Variants in KCNK5 observed in about 807,000 individuals in gnomAD.
KCNK5 encodes the protein potassium two pore domain channel subfamily K member 5, also known as potassium channel subfamily K member 5.
In KCNK5, 18 loss-of-function variants were observed where a neutral mutation model predicts 32.9. The observed-to-expected ratio is 0.55, with a 90% confidence interval of 0.38 to 0.81. The LOEUF (loss-of-function observed/expected upper bound fraction) is 0.81, where lower values mean the gene tolerates loss of function less well. Among genes scored for constraint, KCNK5 ranks in the 30% least tolerant of loss-of-function variants. The probability of loss-of-function intolerance (pLI) is 0.00; values close to 1 mark genes in which losing one functional copy is unlikely to be tolerated. For synonymous variants in KCNK5, 276 were observed against 275.3 expected, an observed-to-expected ratio of 1.00 and a Z score of -0.03; for missense variants, 507 against 651.0, an observed-to-expected ratio of 0.78 and a Z score of 2.41.
chr6:39,207,823 C>T (rs946966625), intron 1 of KCNK5, among the ~76,000 whole-genome samples: 1 of 152,146 alleles, frequency 6.6e-6, no homozygotes, highest in Non-Finnish European at 1.5e-5. Flanking sequence ...GACACATCTG[C>T]CTGCCCTGGG....
intron 1 of KCNK5, among the ~76,000 whole-genome samples, chr6:39,203,864 C>T (rs1771174441): frequency 6.6e-6 from 1 of 152,240 alleles, no homozygotes; most frequent in African/African-American, 2.4e-5. Context: ...TCTCCATCTT[C>T]CTGTCTAAAA....
In KCNK5 at chr6:39,212,732, C is replaced by G. The variant is rs143374445; in HGVS notation, c.186+16194G>C. Among the ~76,000 whole-genome samples, 248 of 152,274 alleles carry G rather than the reference C, an allele frequency of 1.6e-3. 3 individuals are homozygous for G. Among genetic ancestry groups the G allele is most frequent in the African/African-American group, 5.7e-3 (236 of 41,552 alleles). On this transcript the variant is annotated intron_variant, in intron 1 of 4. Transcript: ENST00000359534. ...CACTGGAAACAGCCGGATGGGTGTC[C>G]CTGGCCCTGCCACACTCTCTTCTTG...
At chr6:39,223,205 G>A (rs897195865) in intron 1 of KCNK5, among the ~76,000 whole-genome samples, 13 of 152,162 alleles carry the variant, frequency 8.5e-5, no homozygotes, top group African/African-American at 2.7e-4. Context: ...GAGCATTTAC[G>A]ATGTGCCATA....
Position 39,194,492 on chromosome 6 carries a change from T to A in KCNK5, c.465+102A>T, listed in dbSNP as rs113244341. The A allele has an allele frequency of 4.5e-5, 65 of 1,458,388 alleles. 2 individuals are homozygous for A. The African/African-American group carries it at 5.2e-4, about 12-fold the overall frequency. 90.3% of individuals were successfully genotyped at this position (1,458,388 alleles called of 1,614,324 possible). ...GAGCTCTGAAACTATCCTCTTGCCA[T>A]CTGTCCTTACACCCTTGGTCCAATT... On this transcript the variant is annotated intron_variant, in intron 3 of 4. Coordinates refer to ENST00000359534, the MANE Select transcript of KCNK5 (RefSeq NM_003740.4). The surrounding 1 kb of genome is among the most constrained non-coding windows in gnomAD (Gnocchi z 4.7).
chr6:39,196,843 A>G (rs1042914237), intron 1 of KCNK5, among the ~76,000 whole-genome samples: 2 of 152,222 alleles, frequency 1.3e-5, no homozygotes, highest in African/African-American at 4.8e-5. Flanking sequence ...GTGAGAGGCC[A>G]CCTGGGGATG....
At chr6:39,222,009 C>G (rs1272947700) in intron 1 of KCNK5, among the ~76,000 whole-genome samples, 1 of 152,234 alleles carries the variant, frequency 6.6e-6, no homozygotes. Context: ...TAGGGAGGGC[C>G]CGTTCTGTGT....
At chr6:39,220,881 T>C (rs1457890940) in intron 1 of KCNK5, among the ~76,000 whole-genome samples, 1 of 152,188 alleles carries the variant, frequency 6.6e-6, no homozygotes, top group Non-Finnish European at 1.5e-5. Context: ...GGACATACCG[T>C]ACTATTATCC....
At chr6:39,214,311 G>A (rs73731723) in intron 1 of KCNK5, among the ~76,000 whole-genome samples, 4,766 of 152,292 alleles carry the variant, frequency 0.031, 141 homozygotes, top group African/African-American at 0.081. Flanking sequence ...CTACTGACCT[G>A]TCCAAACAGA....
intron 1 of KCNK5, among the ~76,000 whole-genome samples, chr6:39,219,803 C>T (rs1771507984): frequency 6.6e-6 from 1 of 152,194 alleles, no homozygotes; most frequent in South Asian, 2.1e-4. Flanking sequence ...CACTGAGCAT[C>T]CTGAGAGCTA....
At chr6:39,205,015 C>T (rs891197925) in intron 1 of KCNK5, among the ~76,000 whole-genome samples, 1 of 152,252 alleles carries the variant, frequency 6.6e-6, no homozygotes, top group Non-Finnish European at 1.5e-5. Flanking sequence ...ACCCTGCCCG[C>T]ATTGTTCTCA....
chr6:39,196,194 C>A (rs1247038142), intron 1 of KCNK5, among the ~76,000 whole-genome samples: 2 of 152,196 alleles, frequency 1.3e-5, no homozygotes, highest in African/African-American at 4.8e-5. Context: ...CCCAGGCAAT[C>A]TGGCTCCAAA....
intron 1 of KCNK5, among the ~76,000 whole-genome samples, chr6:39,220,377 A>G (rs1035787688): frequency 5.3e-5 from 8 of 152,194 alleles, no homozygotes; most frequent in African/African-American, 1.9e-4. Context: ...TGCACATTTC[A>G]AAGCCAATCA....
chr6:39,202,624 T>C (rs1562052828), intron 1 of KCNK5, among the ~76,000 whole-genome samples: 1 of 152,196 alleles, frequency 6.6e-6, no homozygotes, highest in Admixed American at 6.5e-5. Flanking sequence ...GGGCAGTAAA[T>C]GTACCGAGAG....
chr6:39,198,678 C>A (rs1459062156), intron 1 of KCNK5, among the ~76,000 whole-genome samples: 1 of 152,182 alleles, frequency 6.6e-6, no homozygotes, highest in African/African-American at 2.4e-5. Flanking sequence ...TATGTCAACT[C>A]CAGGTCTATC....
intron 1 of KCNK5, among the ~76,000 whole-genome samples, chr6:39,226,662 T>G (rs1015170233): frequency 1.3e-5 from 2 of 152,220 alleles, no homozygotes; most frequent in African/African-American, 2.4e-5. Flanking sequence ...TTTTGAGTTT[T>G]CATTTTTCCT....
rs139464201 is a variant in KCNK5, at chr6:39,191,336, C to T, written c.1054G>A (p.Val352Met). ...TGTGACACCTCTTCCAAGGTGGGCACCCGGTTCTTGGAGTAGACTACCAGG... is the reference window on the plus strand; with the variant it reads ...TGTGACACCTCTTCCAAGGTGGGCATCCGGTTCTTGGAGTAGACTACCAGG... ...VPLVVYSKNRVPTLEEVSQTL... is the reference protein window; with the variant it reads ...VPLVVYSKNRMPTLEEVSQTL... The change falls in exon 5 of 5, where the codon GTG becomes ATG. Residue 352 changes from valine (V) to methionine (M), a missense_variant. Physicochemically the swap from Val to Met is conservative, Grantham distance 21. Coordinates refer to ENST00000359534, the MANE Select transcript of KCNK5 (RefSeq NM_003740.4). This position sits in a 1 kb window ranked among gnomAD's most constrained non-coding sequence, Gnocchi z 5.8. 5.4e-5 allele frequency: 87 copies of T among 1,613,792 alleles called. No individual in the cohort carries two copies. In the African/African-American group the frequency reaches 9.6e-4, roughly 18 times the overall value.
At chr6:39,228,081 C>T (rs1771705784) in intron 1 of KCNK5, among the ~76,000 whole-genome samples, 1 of 152,102 alleles carries the variant, frequency 6.6e-6, no homozygotes, top group South Asian at 2.1e-4. Context: ...CCAGGATAGG[C>T]AGCCCGTTTA....
At chr6:39,216,394 G>A (rs544367445) in intron 1 of KCNK5, among the ~76,000 whole-genome samples, 13 of 152,338 alleles carry the variant, frequency 8.5e-5, no homozygotes, top group African/African-American at 2.6e-4. Context: ...TGCAGAGCTG[G>A]GCAGCAAAGG....
intron 1 of KCNK5, among the ~76,000 whole-genome samples, chr6:39,202,670 CA>C (rs1771151217): frequency 6.6e-6 from 1 of 152,170 alleles, no homozygotes; most frequent in African/African-American, 2.4e-5. Flanking sequence ...AGAAATTGCA[CA>C]TCTACTTCCA....
Sources: allele counts gnomAD v4.1 joint callset (sites outside exome capture counted in the v4.1 genomes callset), GRCh38; gene constraint gnomAD v4.1.1; non-coding constraint Gnocchi (gnomAD v3.1); transcripts MANE v1.5; gene names NCBI Gene and HGNC (gene_info 2026-07-23, HGNC 2026-07-21).